Variants in GRIP1 observed in about 807,000 individuals in gnomAD.
GRIP1 encodes the protein glutamate receptor-interacting protein 1.
A neutral mutation model predicts 129.9 loss-of-function variants in GRIP1; 45 were observed. The observed-to-expected ratio is 0.35, with a 90% CI of 0.27 to 0.44. GRIP1 has a LOEUF of 0.44. Among genes scored for constraint, GRIP1 ranks in the 20% least tolerant of loss-of-function variants. The pLI, the probability that GRIP1 is intolerant of heterozygous loss-of-function variation, is 1.00. For synonymous variants in GRIP1, 530 were observed against 520.8 expected, an observed-to-expected ratio of 1.02 and a Z score of -0.24; for missense variants, 1,196 against 1,396.8, an observed-to-expected ratio of 0.86 and a Z score of 2.29.
At chr12:66,985,175 C>T (rs907915198) in intron 1 of GRIP1, among the ~76,000 whole-genome samples, 3 of 152,146 alleles carry the variant, frequency 2.0e-5, no homozygotes, top group African/African-American at 7.2e-5. Context: ...TATGACTTAG[C>T]TTTAGAAGCC....
intron 1 of GRIP1, among the ~76,000 whole-genome samples, chr12:66,953,346 G>A (rs2041789928): frequency 6.6e-6 from 1 of 152,152 alleles, no homozygotes; most frequent in East Asian, 1.9e-4. Context: ...GACTCTAGCA[G>A]CCATCATTCA....
intron 7 of GRIP1, among the ~76,000 whole-genome samples, chr12:66,509,043 A>T (rs1043930071): frequency 6.6e-6 from 1 of 152,172 alleles, no homozygotes; most frequent in African/African-American, 2.4e-5. Context: ...AACTTAATAT[A>T]TATTCTCAGG....
At chr12:66,699,581 G>A (rs758795033) in intron 1 of GRIP1, among the ~76,000 whole-genome samples, 1 of 152,150 alleles carries the variant, frequency 6.6e-6, no homozygotes, top group Non-Finnish European at 1.5e-5. Context: ...CCATGATTGT[G>A]AAGTCTCCTC....
chr12:66,454,561 G>A (rs1464444387), intron 11 of GRIP1, among the ~76,000 whole-genome samples: 7 of 152,112 alleles, frequency 4.6e-5, no homozygotes, highest in Admixed American at 3.3e-4. Flanking sequence ...ATAAATGTAG[G>A]AGTGATTTAT....
At chr12:66,833,042 G>A (rs2039546566) in intron 1 of GRIP1, among the ~76,000 whole-genome samples, 1 of 152,154 alleles carries the variant, frequency 6.6e-6, no homozygotes. Flanking sequence ...ACCAACTTAG[G>A]GCAGAATCTA....
intron 1 of GRIP1, chr12:67,068,947 G>A: frequency 2.5e-6 from 1 of 394,014 alleles, no homozygotes; most frequent in Non-Finnish European, 3.3e-6. Context: ...CCCCTCCCCC[G>A]TCGGCGGGTG....
At chr12:66,405,043 C>T (rs1421646919) in intron 16 of GRIP1, among the ~76,000 whole-genome samples, 1 of 152,096 alleles carries the variant, frequency 6.6e-6, no homozygotes, top group Non-Finnish European at 1.5e-5. Context: ...AAACAAGAAA[C>T]AAACAAACAA....
chr12:66,600,657 G>T (rs973920342), intron 1 of GRIP1, among the ~76,000 whole-genome samples: 3 of 152,020 alleles, frequency 2.0e-5, no homozygotes, highest in Non-Finnish European at 4.4e-5. Context: ...TATAAAAATG[G>T]TATCTACATA....
At chr12:66,432,951 G>A (rs2058194157) in intron 13 of GRIP1, among the ~76,000 whole-genome samples, 1 of 152,172 alleles carries the variant, frequency 6.6e-6, no homozygotes, top group Non-Finnish European at 1.5e-5. Flanking sequence ...CTATGAATCA[G>A]AATCTCTAAA....
intron 14 of GRIP1, among the ~76,000 whole-genome samples, chr12:66,431,378 C>T (rs996261762): frequency 6.6e-6 from 1 of 152,144 alleles, no homozygotes; most frequent in African/African-American, 2.4e-5. Context: ...GGCTCTCTCC[C>T]ATACATGTGG....
chr12:66,813,043 CTGTT>C (rs1321149870), intron 1 of GRIP1, among the ~76,000 whole-genome samples: 1 of 151,868 alleles, frequency 6.6e-6, no homozygotes, highest in Admixed American at 6.6e-5. Flanking sequence ...GTGTGTTAGT[CTGTT>C]TGTGTTACTA....
In GRIP1 at chr12:66,384,228, G is replaced by A. The variant is rs145473626; in HGVS notation, c.2465-4792C>T. Among the ~76,000 whole-genome samples the A allele has an allele frequency of 3.0e-3, 453 of 152,110 alleles. 5 individuals are homozygous for A. Among genetic ancestry groups the A allele is most frequent in the African/African-American group, 0.01 (429 of 41,472 alleles). On this transcript the variant is annotated intron_variant, in intron 19 of 24. Coordinates refer to ENST00000359742, the MANE Select transcript of GRIP1 (RefSeq NM_001366722.1). ...AATGTCTAGACTTGGGTTGAGGGTA[G>A]GAAAATAATTATCCTGATTCTGGCT...
chr12:66,469,710 A>G (rs1256672012), intron 7 of GRIP1, among the ~76,000 whole-genome samples: 1 of 152,208 alleles, frequency 6.6e-6, no homozygotes, highest in Non-Finnish European at 1.5e-5. Context: ...ACAACAGTCT[A>G]CAGAACATGA....
chr12:66,740,811 T>C (rs942575504), intron 1 of GRIP1, among the ~76,000 whole-genome samples: 7 of 144,498 alleles, frequency 4.8e-5, no homozygotes, highest in Admixed American at 1.4e-4. Flanking sequence ...CTTGGAGAGA[T>C]AAAAAAAAAA....
At chr12:66,665,867 T>A (rs545270957) in intron 1 of GRIP1, among the ~76,000 whole-genome samples, 72 of 152,296 alleles carry the variant, frequency 4.7e-4, no homozygotes, top group African/African-American at 1.7e-3. Flanking sequence ...AGTAGTAGTA[T>A]CAAATTATAC....
chr12:67,059,833 T>A (rs1565660858), intron 1 of GRIP1, among the ~76,000 whole-genome samples: 2 of 152,218 alleles, frequency 1.3e-5, no homozygotes, highest in African/African-American at 4.8e-5. Context: ...ACCATGCCAG[T>A]CAAGAAACTG....
intron 1 of GRIP1, among the ~76,000 whole-genome samples, chr12:66,773,563 C>T (rs939893583): frequency 6.6e-6 from 1 of 151,944 alleles, no homozygotes; most frequent in African/African-American, 2.4e-5. Context: ...GTCAGGGGGT[C>T]GGGGGCTAGG....
intron 2 of GRIP1, among the ~76,000 whole-genome samples, chr12:66,588,772 C>A (rs2063735955): frequency 6.6e-6 from 1 of 151,832 alleles, no homozygotes; most frequent in Non-Finnish European, 1.5e-5. Flanking sequence ...AGTTCAAGAC[C>A]AGCCTGGCCA....
intron 1 of GRIP1, among the ~76,000 whole-genome samples, chr12:66,923,076 G>C (rs925611389): frequency 2.0e-5 from 3 of 152,138 alleles, no homozygotes; most frequent in African/African-American, 7.2e-5. Context: ...TATTTTCTAC[G>C]AGAGAAAGAT....
Sources: gnomAD v4.1 joint callset for allele counts (sites outside exome capture counted in the v4.1 genomes callset) on GRCh38, gnomAD v4.1.1 for gene constraint, MANE v1.5 for transcripts, NCBI Gene and HGNC (gene_info 2026-07-23, HGNC 2026-07-21) for gene names.